The following SLC38A1 variants were observed in gnomAD, a reference collection of about 807,000 sequenced individuals.
The protein encoded by SLC38A1 is solute carrier family 38 member 1, also known as sodium-coupled neutral amino acid symporter 1.
Under a neutral mutation model 60.3 loss-of-function variants are expected in SLC38A1, and 18 were observed. That is an observed-to-expected ratio of 0.30 (90% CI 0.21 to 0.44). SLC38A1 has a LOEUF of 0.44. Ranked by LOEUF, SLC38A1 falls within the 20% of genes least tolerant of loss-of-function variation. The pLI is 1.00. For missense variants in SLC38A1, 448 were observed against 587.2 expected, an observed-to-expected ratio of 0.76 and a Z score of 2.45; for synonymous variants, 196 against 212.1, an observed-to-expected ratio of 0.92 and a Z score of 0.66.
intron 3 of SLC38A1, among the ~76,000 whole-genome samples, chr12:46,234,824 G>A (rs7967629): frequency 0.56 from 84,945 of 152,004 alleles, 23,771 homozygotes; most frequent in African/African-American, 0.57. Context: ...AGTTTCTGCT[G>A]TCTCACCATT....
chr12:46,210,369 G>A (rs549925970), intron 5 of SLC38A1, among the ~76,000 whole-genome samples: 12 of 152,350 alleles, frequency 7.9e-5, no homozygotes, highest in African/African-American at 2.6e-4. Context: ...GAGGGGCAGA[G>A]CTCAGCAGAG....
rs1469080344 is a variant in SLC38A1 at position 46,197,969 on chromosome 12, T to A, written c.1214A>T (p.Asn405Ile). 5 of 1,613,962 alleles carry A rather than the reference T, an allele frequency of 3.1e-6. No homozygotes were observed. The highest frequency in any genetic ancestry group is 4.2e-6 in the Non-Finnish European group (5 of 1,179,984). ...GGAGGGTATGAAGATCACCAACAAG[T>A]TGATAACAACCAAGAGTATGCAGGT... is the stretch of plus-strand genomic sequence containing the variant. ...VVTCILLVVI[N>I]LLVIFIPSMK... is the part of the protein sequence containing the mutation. Residue 405 changes from asparagine (N) to isoleucine (I), a missense_variant, in exon 15 of 17, where the codon AAC becomes ATC. Physicochemically the swap from Asn to Ile is moderately radical, Grantham distance 149. Transcript: ENST00000398637.
At chr12:46,224,428 T>TAAAAAA (rs201289211) in intron 5 of SLC38A1, among the ~76,000 whole-genome samples, 1 of 151,108 alleles carries the variant, frequency 6.6e-6, no homozygotes, top group African/African-American at 2.4e-5. Context: ...ATGGATAGGT[T>TAAAAAA]AAAAAAAAAT....
intron 5 of SLC38A1, among the ~76,000 whole-genome samples, chr12:46,223,723 A>T (rs1455220724): frequency 1.3e-5 from 2 of 152,244 alleles, no homozygotes; most frequent in Non-Finnish European, 2.9e-5. Context: ...TTTCAAAGAG[A>T]TTGTTCACAA....
chr12:46,219,788 AC>A (rs1263204435), intron 5 of SLC38A1, among the ~76,000 whole-genome samples: 2 of 152,222 alleles, frequency 1.3e-5, no homozygotes, highest in African/African-American at 4.8e-5. Context: ...ATGCTGTAAA[AC>A]CATAGCCAGT....
chr12:46,225,597 GAA>G (rs767578776), intron 5 of SLC38A1, among the ~76,000 whole-genome samples: 7 of 152,196 alleles, frequency 4.6e-5, no homozygotes, highest in Non-Finnish European at 1.0e-4. Context: ...AACAGCCAAA[GAA>G]GAGGGTCTTA....
chr12:46,232,196 G>A (rs1433415489), intron 3 of SLC38A1, among the ~76,000 whole-genome samples: 2 of 152,202 alleles, frequency 1.3e-5, no homozygotes, highest in East Asian at 1.9e-4. Context: ...CCAAAAGGAT[G>A]TGGAAGAAAA....
intron 14 of SLC38A1, 87 bp from the exon 15 acceptor site, chr12:46,198,147 C>T: frequency 1.4e-6 from 2 of 1,379,488 alleles, no homozygotes; most frequent in African/African-American, 1.5e-5. Flanking sequence ...TTTATTGGTG[C>T]ACAGGAATTC....
At chr12:46,192,966 T>G (rs1388451702) in intron 16 of SLC38A1, among the ~76,000 whole-genome samples, 3 of 152,210 alleles carry the variant, frequency 2.0e-5, no homozygotes, top group Non-Finnish European at 4.4e-5. Flanking sequence ...TTTCTTACCT[T>G]CTGCTAGCTT....
intron 5 of SLC38A1, among the ~76,000 whole-genome samples, chr12:46,227,260 C>T (rs899029769): frequency 2.0e-5 from 3 of 152,084 alleles, no homozygotes; most frequent in Non-Finnish European, 4.4e-5. Context: ...AAATAAAGGT[C>T]TCAAAAATTT....
At position 46,184,738 on chromosome 12, in the gene SLC38A1, T is replaced by G. The variant is rs1379544248; in HGVS notation, c.*4232A>C. ...AACACTGGAGAACTTCTGACACAAATTCAGTATTTCTTCTAAGTCTGCATT... is the reference window on the plus strand; with the variant it reads ...AACACTGGAGAACTTCTGACACAAAGTCAGTATTTCTTCTAAGTCTGCATT... On this transcript the variant is annotated 3_prime_UTR_variant, in exon 17 of 17. Transcript: ENST00000398637. 6.6e-6 allele frequency: 1 copy of G among 152,160 alleles called. No individual in the cohort carries two copies. The highest frequency in any genetic ancestry group is 2.4e-5 in the African/African-American group (1 of 41,426). 9.4% of individuals were successfully genotyped at this position (152,160 alleles called of 1,614,324 possible).
At chr12:46,231,322 G>A (rs1354423566) in intron 3 of SLC38A1, among the ~76,000 whole-genome samples, 1 of 152,152 alleles carries the variant, frequency 6.6e-6, no homozygotes, top group Non-Finnish European at 1.5e-5. Context: ...GGCAAGGGAT[G>A]AAACACTATC....
chr12:46,259,221 C>T (rs879663251), intron 1 of SLC38A1, among the ~76,000 whole-genome samples: 3 of 152,152 alleles, frequency 2.0e-5, no homozygotes, highest in East Asian at 1.9e-4. Context: ...TCTATAATTC[C>T]GGGCCAGCTA....
At chr12:46,216,492 T>G (rs560140685) in intron 5 of SLC38A1, among the ~76,000 whole-genome samples, 6 of 152,038 alleles carry the variant, frequency 3.9e-5, no homozygotes, top group Non-Finnish European at 8.8e-5. Flanking sequence ...AGGACAGGAA[T>G]AGTGGTTTCT....
intron 3 of SLC38A1, among the ~76,000 whole-genome samples, chr12:46,231,350 A>G (rs1941070811): frequency 1.3e-5 from 2 of 152,246 alleles, no homozygotes. Flanking sequence ...TACAACGTTT[A>G]CTATTTTAAA....
Position 46,239,825 on chromosome 12 carries a change from A to C in SLC38A1, c.-25T>G. 6.2e-7 allele frequency: 1 copy of C among 1,610,206 alleles called. No individual in the cohort carries two copies. The highest frequency in any genetic ancestry group is 1.1e-5 in the South Asian group (1 of 90,972). ...TGATTAGAAAGTGTCTGTAGTTTGA[A>C]AATTAGTCCAAATTTCTCCTGTTCT... On this transcript the variant is annotated 5_prime_UTR_variant, in exon 3 of 17. Transcript: ENST00000398637.
chr12:46,193,530 G>T (rs1939234210), intron 16 of SLC38A1, among the ~76,000 whole-genome samples: 1 of 152,154 alleles, frequency 6.6e-6, no homozygotes, highest in Non-Finnish European at 1.5e-5. Context: ...TGACAGTGGG[G>T]TGTTAAAATC....
intron 5 of SLC38A1, among the ~76,000 whole-genome samples, chr12:46,226,617 CTTTTTTTTTTTTT>C (rs199599486): frequency 0.17 from 20,478 of 123,294 alleles, 2,943 homozygotes; most frequent in East Asian, 0.48. Context: ...CATGGATTTC[CTTTTTTTTTTTTT>C]TTTTTTTTTT....
chr12:46,222,428 C>T (rs541791472), intron 5 of SLC38A1, among the ~76,000 whole-genome samples: 6 of 152,280 alleles, frequency 3.9e-5, no homozygotes, highest in East Asian at 1.9e-4. Context: ...TCCTTCCATG[C>T]TCACTTCCAC....
Sources: allele counts gnomAD v4.1 joint callset (sites outside exome capture counted in the v4.1 genomes callset), GRCh38; gene constraint gnomAD v4.1.1; transcripts MANE v1.5; gene names NCBI Gene and HGNC (gene_info 2026-07-23, HGNC 2026-07-21).